The following STXBP5L variants were observed in gnomAD, a reference collection of about 807,000 sequenced individuals.
STXBP5L encodes syntaxin binding protein 5L, also known as syntaxin-binding protein 5-like.
A neutral mutation model predicts 144.5 loss-of-function variants in STXBP5L; 65 were observed. The ratio of observed to expected loss-of-function variants is 0.45; its 90% CI spans 0.37 to 0.55. The LOEUF is 0.55. Among genes scored for constraint, STXBP5L ranks in the 20% least tolerant of loss-of-function variants. The probability of loss-of-function intolerance (pLI) is 0.00; values close to 1 mark genes in which losing one functional copy is unlikely to be tolerated. For synonymous variants in STXBP5L, 505 were observed against 469.6 expected, an observed-to-expected ratio of 1.08 and a Z score of -0.97; for missense variants, 1,298 against 1,405.5, an observed-to-expected ratio of 0.92 and a Z score of 1.22.
At chr3:121,150,904 G>T (rs1577067399) in intron 7 of STXBP5L, among the ~76,000 whole-genome samples, 1 of 151,660 alleles carries the variant, frequency 6.6e-6, no homozygotes, top group Non-Finnish European at 1.5e-5. Flanking sequence ...CCTGGCCAAC[G>T]TGGTGAAACC....
intron 10 of STXBP5L, among the ~76,000 whole-genome samples, chr3:121,217,541 G>C (rs555275794): frequency 1.3e-5 from 2 of 152,092 alleles, no homozygotes; most frequent in African/African-American, 2.4e-5. Context: ...AGTTCCATGA[G>C]CTGGGTACCT....
At chr3:120,945,705 G>A (rs534860824) in intron 2 of STXBP5L, among the ~76,000 whole-genome samples, 1 of 151,868 alleles carries the variant, frequency 6.6e-6, no homozygotes, top group South Asian at 2.1e-4. Context: ...CACATAAACT[G>A]CTTGGAAATA....
intron 9 of STXBP5L, among the ~76,000 whole-genome samples, chr3:121,184,524 G>A (rs540205110): frequency 9.9e-5 from 15 of 151,934 alleles, no homozygotes; most frequent in African/African-American, 2.9e-4. Flanking sequence ...AAAGCAGAAT[G>A]AAAAGAAATG....
intron 20 of STXBP5L, among the ~76,000 whole-genome samples, chr3:121,351,772 G>A (rs2045291441): frequency 6.6e-6 from 1 of 152,104 alleles, no homozygotes; most frequent in East Asian, 1.9e-4. Flanking sequence ...CCCATGTCCT[G>A]AATGGTATTG....
At chr3:121,381,144 G>A in intron 21 of STXBP5L, 149 bp from the exon 22 acceptor site, 1 of 717,846 alleles carries the variant, frequency 1.4e-6, no homozygotes, top group Non-Finnish European at 2.1e-6. Flanking sequence ...AAAATAAGCT[G>A]GTGAACTGGA....
intron 2 of STXBP5L, among the ~76,000 whole-genome samples, chr3:120,921,412 C>G (rs1049582393): frequency 6.6e-6 from 1 of 152,062 alleles, no homozygotes; most frequent in African/African-American, 2.4e-5. Context: ...AATATTTTCT[C>G]CCATTCTGTG....
intron 3 of STXBP5L, among the ~76,000 whole-genome samples, chr3:121,004,870 T>A (rs1410565221): frequency 6.6e-6 from 1 of 152,214 alleles, no homozygotes; most frequent in Non-Finnish European, 1.5e-5. Flanking sequence ...TTTGCATATG[T>A]TGAACCAGCC....
chr3:121,017,687 T>A (rs1945237670), intron 3 of STXBP5L, among the ~76,000 whole-genome samples: 1 of 152,148 alleles, frequency 6.6e-6, no homozygotes, highest in African/African-American at 2.4e-5. Context: ...GCATCTAAAA[T>A]AACTGAAATA....
intron 19 of STXBP5L, among the ~76,000 whole-genome samples, chr3:121,303,887 G>A (rs560925627): frequency 1.3e-5 from 2 of 152,186 alleles, no homozygotes; most frequent in Non-Finnish European, 1.5e-5. Context: ...GTGGGGTGGG[G>A]GGAGTGGGGA....
chr3:120,963,258 G>T (rs1245568276), intron 3 of STXBP5L, among the ~76,000 whole-genome samples: 3 of 152,018 alleles, frequency 2.0e-5, no homozygotes, highest in Non-Finnish European at 4.4e-5. Context: ...CCAATTGAAT[G>T]CCCTTTATTT....
At chr3:121,290,888 A>G (rs1300392398) in intron 19 of STXBP5L, among the ~76,000 whole-genome samples, 1 of 152,190 alleles carries the variant, frequency 6.6e-6, no homozygotes, top group African/African-American at 2.4e-5. Flanking sequence ...TCAGCATAGA[A>G]GGAAAACAAC....
intron 9 of STXBP5L, among the ~76,000 whole-genome samples, chr3:121,192,394 C>G (rs1047713430): frequency 6.6e-6 from 1 of 152,096 alleles, no homozygotes; most frequent in Admixed American, 6.6e-5. Flanking sequence ...TGGCCATACT[C>G]CCCAAGTTAA....
chr3:121,047,881 C>T (rs1947633882), intron 5 of STXBP5L, among the ~76,000 whole-genome samples: 1 of 151,790 alleles, frequency 6.6e-6, no homozygotes, highest in African/African-American at 2.4e-5. Context: ...GGATTTGATC[C>T]TTTCATCATG....
intron 20 of STXBP5L, among the ~76,000 whole-genome samples, chr3:121,332,334 C>A (rs7636533): frequency 6.9e-6 from 1 of 144,262 alleles, no homozygotes; most frequent in Admixed American, 7.0e-5. Flanking sequence ...AAGGAGAAAA[C>A]TAACATGAAA....
At chr3:121,238,404 A>G (rs1465534599) in intron 12 of STXBP5L, among the ~76,000 whole-genome samples, 2 of 152,082 alleles carry the variant, frequency 1.3e-5, no homozygotes, top group African/African-American at 4.8e-5. Flanking sequence ...ATTCACCTCC[A>G]AGACAGGACA....
chr3:121,007,837 T>C (rs1335381201), intron 3 of STXBP5L, among the ~76,000 whole-genome samples: 2 of 152,000 alleles, frequency 1.3e-5, no homozygotes, highest in African/African-American at 4.8e-5. Context: ...CTTCTACAGA[T>C]ACACATCTTT....
intron 7 of STXBP5L, among the ~76,000 whole-genome samples, chr3:121,136,628 G>T (rs548646562): frequency 2.0e-5 from 3 of 152,150 alleles, no homozygotes; most frequent in Non-Finnish European, 4.4e-5. Flanking sequence ...CACTGCTGGT[G>T]GGAATGTAAA....
At chr3:121,383,781 T>C (rs954580705) in intron 22 of STXBP5L, among the ~76,000 whole-genome samples, 1 of 152,146 alleles carries the variant, frequency 6.6e-6, no homozygotes, top group Non-Finnish European at 1.5e-5. Flanking sequence ...ACTGTCCCGG[T>C]CTTCACTCTC....
intron 19 of STXBP5L, among the ~76,000 whole-genome samples, chr3:121,311,257 G>T (rs2043516478): frequency 6.6e-6 from 1 of 152,156 alleles, no homozygotes; most frequent in African/African-American, 2.4e-5. Flanking sequence ...ACTCCCGTAA[G>T]TTGCTACGGA....
Sources: gnomAD v4.1 joint callset for allele counts (sites outside exome capture counted in the v4.1 genomes callset) on GRCh38, gnomAD v4.1.1 for gene constraint, MANE v1.5 for transcripts, NCBI Gene and HGNC (gene_info 2026-07-23, HGNC 2026-07-21) for gene names.